The following RIMS2 variants were observed in gnomAD, a reference collection of about 807,000 sequenced individuals.
RIMS2 encodes regulating synaptic membrane exocytosis protein 2.
RIMS2 carries 59 observed loss-of-function variants against 174.4 expected under a neutral mutation model. The ratio of observed to expected loss-of-function variants is 0.34; its 90% CI spans 0.27 to 0.42. RIMS2 has a LOEUF of 0.42. Ranked by LOEUF, RIMS2 falls within the 10% of genes least tolerant of loss-of-function variation. The probability of loss-of-function intolerance (pLI) is 1.00; values close to 1 mark genes in which losing one functional copy is unlikely to be tolerated. For synonymous variants in RIMS2, 606 were observed against 572.5 expected (o/e 1.06, Z -0.84); for missense variants, 1,620 against 1,666.3 (o/e 0.97, Z 0.48).
chr8:103,912,267 G>C (rs1485627887), intron 6 of RIMS2, 95 bp downstream of exon 9: 1 of 853,412 alleles, frequency 1.2e-6, no homozygotes, highest in East Asian at 2.7e-5. Context: ...CAATTTAGTA[G>C]TGTATTTTTC....
intron 1 of RIMS2, among the ~76,000 whole-genome samples, chr8:103,564,823 C>A (rs7837865): frequency 6.6e-6 from 1 of 152,160 alleles, no homozygotes; most frequent in Non-Finnish European, 1.5e-5. Context: ...CTCACAGATA[C>A]CCAGGAACAA....
intron 19 of RIMS2, among the ~76,000 whole-genome samples, chr8:104,162,609 A>G (rs184525186): frequency 3.3e-5 from 5 of 152,100 alleles, no homozygotes; most frequent in African/African-American, 1.2e-4. Context: ...TCATATTATT[A>G]GGGGGGGAGA....
intron 1 of RIMS2, among the ~76,000 whole-genome samples, chr8:103,558,141 C>T (rs1369595172): frequency 2.0e-5 from 3 of 151,734 alleles, no homozygotes; most frequent in Non-Finnish European, 2.9e-5. Flanking sequence ...TAGGCATTAA[C>T]TCAAAAAACA....
At chr8:103,524,532 G>A (rs909368954) in intron 1 of RIMS2, among the ~76,000 whole-genome samples, 3 of 152,168 alleles carry the variant, frequency 2.0e-5, no homozygotes, top group African/African-American at 7.2e-5. Flanking sequence ...ATCAGTAACT[G>A]CAGGAAGACA....
chr8:103,628,974 A>C (rs1047636403), intron 1 of RIMS2, among the ~76,000 whole-genome samples: 1 of 152,214 alleles, frequency 6.6e-6, no homozygotes, highest in Admixed American at 6.5e-5. Context: ...AAAACAAAGC[A>C]GCAACCTCTC....
At chr8:104,016,438 T>G (rs77535097) in intron 19 of RIMS2, among the ~76,000 whole-genome samples, 4,160 of 152,200 alleles carry the variant, frequency 0.027, 195 homozygotes, top group African/African-American at 0.094. Context: ...GTTAACTGGA[T>G]GATGGTCAAC....
intron 19 of RIMS2, among the ~76,000 whole-genome samples, chr8:104,197,669 G>A (rs2099032139): frequency 6.6e-6 from 1 of 152,132 alleles, no homozygotes; most frequent in South Asian, 2.1e-4. Flanking sequence ...GAGGAGATGG[G>A]ACTGGATTTT....
intron 19 of RIMS2, among the ~76,000 whole-genome samples, chr8:104,059,309 G>A (rs1566091453): frequency 2.0e-5 from 3 of 148,708 alleles, no homozygotes; most frequent in Non-Finnish European, 4.5e-5. Context: ...GGATTCCTAG[G>A]TATTTTATTC....
intron 19 of RIMS2, among the ~76,000 whole-genome samples, chr8:104,160,246 C>A (rs2098753076): frequency 6.6e-6 from 1 of 152,118 alleles, no homozygotes; most frequent in Admixed American, 6.5e-5. Flanking sequence ...GGAGCTATAT[C>A]TCATTCATTT....
intron 19 of RIMS2, among the ~76,000 whole-genome samples, chr8:104,182,634 A>G (rs967263532): frequency 5.3e-5 from 8 of 151,708 alleles, no homozygotes; most frequent in African/African-American, 1.9e-4. Flanking sequence ...ATGGAGTCAT[A>G]TAGTATGTGG....
rs551322305 is a variant in RIMS2, at chr8:103,979,074, T to A, written c.2927+3568T>A. Among the ~76,000 whole-genome samples the A allele has an allele frequency of 3.7e-4, 56 of 152,320 alleles. No individual in the cohort carries two copies. In the South Asian group the frequency reaches 0.012, roughly 32 times the overall value. On this transcript the variant is annotated intron_variant, in intron 16 of 23. Coordinates refer to ENST00000504942, the Ensembl canonical transcript of RIMS2. ...AAAGCAATTTTAAAAAGATAGTTTT[T>A]AAATTCCTGGAACTTATCTAAAATA...
chr8:104,090,200 A>AAAAGGCAT (rs1234412767), intron 19 of RIMS2, among the ~76,000 whole-genome samples: 2 of 151,834 alleles, frequency 1.3e-5, no homozygotes, highest in South Asian at 4.1e-4. Context: ...ACGCTGTGAA[A>AAAAGGCAT]AAAGGCATAA....
intron 3 of RIMS2, among the ~76,000 whole-genome samples, chr8:103,818,287 CA>C (rs1408286557): frequency 2.0e-5 from 3 of 152,126 alleles, no homozygotes; most frequent in East Asian, 3.9e-4. Context: ...AAAGAAATGT[CA>C]AAGGTTAAGA....
At chr8:104,121,379 T>A (rs1172446258) in intron 19 of RIMS2, among the ~76,000 whole-genome samples, 1 of 152,160 alleles carries the variant, frequency 6.6e-6, no homozygotes, top group East Asian at 1.9e-4. Flanking sequence ...TGAATTTACA[T>A]CCCTAATTCT....
intron 19 of RIMS2, among the ~76,000 whole-genome samples, chr8:104,204,644 C>G: frequency 6.6e-6 from 1 of 151,006 alleles, no homozygotes; most frequent in African/African-American, 2.4e-5. Flanking sequence ...AAAACAAAAA[C>G]AAAAAAAAAT....
intron 19 of RIMS2, among the ~76,000 whole-genome samples, chr8:104,069,044 G>C (rs114546183): frequency 5.3e-5 from 8 of 152,102 alleles, no homozygotes; most frequent in Non-Finnish European, 1.2e-4. Context: ...TTTGACTTTA[G>C]GGTAGTGTAA....
chr8:103,548,487 T>G (rs1282800967), intron 1 of RIMS2, among the ~76,000 whole-genome samples: 1 of 151,466 alleles, frequency 6.6e-6, no homozygotes, highest in Non-Finnish European at 1.5e-5. Context: ...GTTAAAAACT[T>G]GCAACAAACT....
intron 19 of RIMS2, among the ~76,000 whole-genome samples, chr8:104,083,045 G>T (rs1223668336): frequency 3.3e-5 from 5 of 152,106 alleles, no homozygotes; most frequent in Admixed American, 3.3e-4. Context: ...CATCCCAAAT[G>T]GTCTTTCTGT....
chr8:103,516,745 G>C (rs546011493), intron 1 of RIMS2, among the ~76,000 whole-genome samples: 2 of 152,156 alleles, frequency 1.3e-5, no homozygotes, highest in Admixed American at 1.3e-4. Flanking sequence ...ATTAGACAAA[G>C]AACTTCAGTA....
Sources: gnomAD v4.1 joint callset for allele counts (sites outside exome capture counted in the v4.1 genomes callset) on GRCh38, gnomAD v4.1.1 for gene constraint, MANE v1.5 for transcripts, NCBI Gene and HGNC (gene_info 2026-07-23, HGNC 2026-07-21) for gene names.